Variants in CD300E observed in about 807,000 individuals in gnomAD.
CD300E encodes CD300e molecule.
A neutral mutation model predicts 20.9 loss-of-function variants in CD300E; 14 were observed. That is an observed-to-expected ratio of 0.67 (90% CI 0.44 to 1.05). CD300E has a LOEUF of 1.05. Among genes scored for constraint, CD300E ranks in the 50% least tolerant of loss-of-function variants. The pLI is 0.00. For synonymous variants in CD300E, 102 were observed against 103.7 expected, an observed-to-expected ratio of 0.98 and a Z score of 0.10; for missense variants, 237 against 253.9, an observed-to-expected ratio of 0.93 and a Z score of 0.45.
Position 74,613,867 on chromosome 17 carries a change from C to A in CD300E, c.497+58G>T, listed in dbSNP as rs190668862. The A allele has an allele frequency of 7.7e-6, 9 of 1,164,838 alleles. No homozygotes were observed. The African/African-American group carries it at 1.2e-4, about 16-fold the overall frequency. The allele number at this position is 1,164,838 out of a possible 1,614,324, so 72.2% of individuals were successfully genotyped here. On this transcript the variant is annotated intron_variant, in intron 3 of 3. Transcript: ENST00000392619. ...TCAGGTCACGGTGCGCCACCCCCACCCCCCAGCTTCCACCCCAGGGTTGCT... is the reference window on the plus strand; with the variant it reads ...TCAGGTCACGGTGCGCCACCCCCACACCCCAGCTTCCACCCCAGGGTTGCT...
intron 1 of CD300E, among the ~76,000 whole-genome samples, chr17:74,618,582 C>G (rs1299303724): frequency 6.6e-6 from 1 of 152,076 alleles, no homozygotes; most frequent in Non-Finnish European, 1.5e-5. Context: ...GATGGAGGAG[C>G]CCCTGACTTC....
chr17:74,619,128 C>G (rs758568223), intron 1 of CD300E: 12 of 471,336 alleles, frequency 2.5e-5, no homozygotes, highest in South Asian at 1.9e-4. Flanking sequence ...CAGCTTCCTC[C>G]TGGAGGTGGC....
At position 74,613,910 on chromosome 17, in the gene CD300E, G is replaced by A. The variant is rs1239320786; in HGVS notation, c.497+15C>T. 6.3e-6 allele frequency: 10 copies of A among 1,595,110 alleles called. No homozygotes were observed. The Admixed American group carries it at 1.7e-4, about 27-fold the overall frequency. On this transcript the variant is annotated intron_variant, in intron 3 of 3. Coordinates refer to ENST00000392619, the MANE Select transcript of CD300E (RefSeq NM_181449.3). The stretch of plus-strand genomic sequence containing the variant: ...GGGTTGCTCCCTCCATGGCCTCCAG[G>A]CCCTGCGTGCTTACCCTGAATTTTG...
chr17:74,614,606 C>T (rs1278131668), intron 2 of CD300E, among the ~76,000 whole-genome samples: 1 of 152,036 alleles, frequency 6.6e-6, no homozygotes, highest in African/African-American at 2.4e-5. Flanking sequence ...CCTCAGCCAC[C>T]CAAGTAGCTG....
intron 2 of CD300E, 25 bp downstream of exon 2, chr17:74,617,093 C>T (rs549764378): frequency 6.2e-7 from 1 of 1,603,960 alleles, no homozygotes; most frequent in East Asian, 2.2e-5. Context: ...CCAAACCCTG[C>T]TGCCAAAGTG....
At position 74,611,184 on chromosome 17, in the gene CD300E, A is replaced by G. The variant is rs2030768034; in HGVS notation, c.*1469T>C. 1 of 152,148 alleles carries G rather than the reference A, an allele frequency of 6.6e-6. No homozygotes were observed. The highest frequency in any genetic ancestry group is 1.5e-5 in the Non-Finnish European group (1 of 68,044). The allele number at this position is 152,148 out of a possible 1,614,324, so 9.4% of individuals were successfully genotyped here. A position where few individuals can be genotyped will look rare whatever the true frequency, so the allele number is the denominator to read the frequency against. Reference sequence around the variant, plus strand: ...ATATAATTAATATGGGCCTTGTTAGATTGAATTTCTCTTTCAGCATGAGTC... The same window carrying G: ...ATATAATTAATATGGGCCTTGTTAGGTTGAATTTCTCTTTCAGCATGAGTC... On this transcript the variant is annotated 3_prime_UTR_variant, in exon 4 of 4. Transcript: ENST00000392619.
intron 3 of CD300E, 108 bp downstream of exon 3, chr17:74,613,817 A>C: frequency 1.5e-6 from 1 of 669,696 alleles, no homozygotes; most frequent in Non-Finnish European, 2.7e-6. Context: ...CCAGAGATGG[A>C]GAGAAACAGC....
chr17:74,618,523 G>T (rs1158000172), intron 1 of CD300E, among the ~76,000 whole-genome samples: 1 of 152,120 alleles, frequency 6.6e-6, no homozygotes, highest in Non-Finnish European at 1.5e-5. Flanking sequence ...TGGGTCCTAT[G>T]ACTATCTGGG....
At chr17:74,619,505 T>C (rs2030974547) in intron 1 of CD300E, among the ~76,000 whole-genome samples, 1 of 152,182 alleles carries the variant, frequency 6.6e-6, no homozygotes, top group Non-Finnish European at 1.5e-5. Flanking sequence ...CCCTGGCCTC[T>C]GGAAAGAGGC....
At chr17:74,614,915 G>A (rs985690408) in intron 2 of CD300E, among the ~76,000 whole-genome samples, 1 of 152,206 alleles carries the variant, frequency 6.6e-6, no homozygotes, top group East Asian at 1.9e-4. Flanking sequence ...CCCAGCTCAT[G>A]ATCTCCCTAA....
chr17:74,622,983 C>T (rs1468807908), intron 1 of CD300E, among the ~76,000 whole-genome samples: 10 of 152,210 alleles, frequency 6.6e-5, no homozygotes, highest in Admixed American at 6.5e-4. Flanking sequence ...GGTGATCCAC[C>T]CACCTTGGCC....
chr17:74,612,123 C>G lies in CD300E; in HGVS notation c.*530G>C, dbSNP rs1351759312. 1 of 152,638 alleles carries G rather than the reference C, an allele frequency of 6.6e-6. No individual in the cohort carries two copies. Among genetic ancestry groups the G allele is most frequent in the Middle Eastern group, 3.2e-3 (1 of 316 alleles). The allele number at this position is 152,638 out of a possible 1,614,324, so 9.5% of individuals were successfully genotyped here. On this transcript the variant is annotated 3_prime_UTR_variant, in exon 4 of 4. Coordinates refer to ENST00000392619, the MANE Select transcript of CD300E (RefSeq NM_181449.3). ...TAGTTATTGCCCTGGGGGAAACTGG[C>G]CTGAGAAGCATTTGTGCCAAGAAGA...
At chr17:74,619,122 T>C (rs1418518519) in intron 1 of CD300E, 1 of 471,202 alleles carries the variant, frequency 2.1e-6, no homozygotes, top group African/African-American at 2.0e-5. Flanking sequence ...TGCCCCCAGC[T>C]TCCTCCTGGA....
chr17:74,613,781 A>G, intron 3 of CD300E, 144 bp downstream of exon 3: 1 of 586,714 alleles, frequency 1.7e-6, no homozygotes, highest in Non-Finnish European at 3.1e-6. Flanking sequence ...ATCCACATGC[A>G]GCCTCAGAGA....
In CD300E at chr17:74,612,241, CTCTCTG is replaced by C. The variant is rs1443377056; in HGVS notation, c.*406_*411del. The C allele has an allele frequency of 1.9e-4, 23 of 121,726 alleles. No homozygotes were observed. Among genetic ancestry groups the C allele is most frequent in the South Asian group, 2.5e-4 (1 of 4,008 alleles). The allele number at this position is 121,726 out of a possible 1,614,324, so 7.5% of individuals were successfully genotyped here. On this transcript the variant is annotated 3_prime_UTR_variant, in exon 4 of 4. Coordinates refer to ENST00000392619, the MANE Select transcript of CD300E (RefSeq NM_181449.3). Reference sequence around the variant, plus strand: ...TCTCTCTCGCTCTCTCTCTCTCTCTCTCTCTGTCTCTCTCTCTCTCTCTCTCTCTCT... The same window carrying C: ...TCTCTCTCGCTCTCTCTCTCTCTCTCTCTCTCTCTCTCTCTCTCTCTCTCT...
rs569126111 is a variant in CD300E, at chr17:74,613,869, C to A, written c.497+56G>T. ...AGGTCACGGTGCGCCACCCCCACCC[C>A]CCAGCTTCCACCCCAGGGTTGCTCC... On this transcript the variant is annotated intron_variant, in intron 3 of 3. Transcript: ENST00000392619. 10 of 1,229,382 alleles carry A rather than the reference C, an allele frequency of 8.1e-6. No individual in the cohort carries two copies. In the African/African-American group the frequency reaches 1.2e-4, roughly 15 times the overall value. The allele number at this position is 1,229,382 out of a possible 1,614,324, so 76.2% of individuals were successfully genotyped here.
rs777575468 is a variant in CD300E, at chr17:74,610,291, T to G, written c.*2362A>C. The G allele has an allele frequency of 6.6e-6, 1 of 152,398 alleles. No homozygotes were observed. Among genetic ancestry groups the G allele is most frequent in the South Asian group, 2.1e-4 (1 of 4,826 alleles). The allele number at this position is 152,398 out of a possible 1,614,324, so 9.4% of individuals were successfully genotyped here. ...CCTACCCTTTGTCTTTAAATGCAGG[T>G]GCCCCGAGGGCTCTGTCCTTGGTTC... On this transcript the variant is annotated 3_prime_UTR_variant, in exon 4 of 4. Transcript: ENST00000392619.
chr17:74,615,440 G>T (rs1451949792), intron 2 of CD300E, among the ~76,000 whole-genome samples: 1 of 148,874 alleles, frequency 6.7e-6, no homozygotes, highest in East Asian at 2.0e-4. Context: ...AGTGTAGATT[G>T]CATGAAAGTT....
Position 74,617,341 on chromosome 17 carries a change from G to A in CD300E, c.165C>T (p.Asp55=). ...TCTCCACAATGCTCTCACATGACGT[G>A]TCGTACTGTCCTCGGCACCAGTACT... ...YNKYWCRGQY[D]TSCESIVETK... Residue 55 remains aspartate (D), a synonymous_variant, in exon 2 of 4, where the codon GAC becomes GAT. Transcript: ENST00000392619. The A allele has an allele frequency of 6.2e-7, 1 of 1,614,176 alleles. No individual in the cohort carries two copies. Among genetic ancestry groups the A allele is most frequent in the Non-Finnish European group, 8.5e-7 (1 of 1,180,050 alleles).
Sources: allele counts gnomAD v4.1 joint callset (sites outside exome capture counted in the v4.1 genomes callset), GRCh38; gene constraint gnomAD v4.1.1; transcripts MANE v1.5; gene names NCBI Gene and HGNC (gene_info 2026-07-23, HGNC 2026-07-21).